DCC: variants seen among roughly 807,000 people sequenced by gnomAD.
The protein encoded by DCC is DCC netrin 1 receptor, also known as netrin receptor DCC.
In DCC, 58 loss-of-function variants were observed where a neutral mutation model predicts 172.5. The ratio of observed to expected loss-of-function variants is 0.34; its 90% CI spans 0.27 to 0.42. The LOEUF is 0.42. DCC is among the 10% of genes least tolerant of loss of function. The probability of loss-of-function intolerance (pLI) is 1.00; values close to 1 mark genes in which losing one functional copy is unlikely to be tolerated. For missense variants in DCC, 1,740 were observed against 1,791.0 expected, an observed-to-expected ratio of 0.97 and a Z score of 0.51; for synonymous variants, 709 against 644.5, an observed-to-expected ratio of 1.10 and a Z score of -1.52.
At chr18:53,319,908 T>G (rs569043448) in intron 13 of DCC, among the ~76,000 whole-genome samples, 1 of 152,280 alleles carries the variant, frequency 6.6e-6, no homozygotes, top group East Asian at 1.9e-4. Context: ...ATACCTCAGT[T>G]AGTGTTGGAT....
intron 19 of DCC, among the ~76,000 whole-genome samples, chr18:53,407,528 G>GATATATATAT (rs74180422): frequency 0.025 from 2,927 of 117,232 alleles, 71 homozygotes; most frequent in South Asian, 0.061. Context: ...TTTTATTCTG[G>GATATATATAT]ATATATATAT....
intron 15 of DCC, among the ~76,000 whole-genome samples, chr18:53,364,077 A>G (rs934587701): frequency 6.6e-6 from 1 of 152,212 alleles, no homozygotes; most frequent in Non-Finnish European, 1.5e-5. Flanking sequence ...ATCAATATGT[A>G]TCAAGTGCCA....
chr18:52,942,056 T>G (rs776456016), intron 5 of DCC, among the ~76,000 whole-genome samples: 2 of 152,220 alleles, frequency 1.3e-5, no homozygotes, highest in Non-Finnish European at 2.9e-5. Context: ...GTGCTGGGAT[T>G]ACAAGTGTGA....
At chr18:52,462,490 C>T (rs1988661782) in intron 1 of DCC, among the ~76,000 whole-genome samples, 1 of 152,080 alleles carries the variant, frequency 6.6e-6, no homozygotes, top group Non-Finnish European at 1.5e-5. Flanking sequence ...TTCTTTTTGC[C>T]CACAATGCTC....
intron 1 of DCC, among the ~76,000 whole-genome samples, chr18:52,452,099 T>A (rs1277925255): frequency 2.6e-5 from 4 of 152,202 alleles, no homozygotes; most frequent in Admixed American, 6.5e-5. Context: ...CTGGCCTGAT[T>A]CTGATAATCC....
At chr18:52,421,402 C>T (rs1987243707) in intron 1 of DCC, among the ~76,000 whole-genome samples, 1 of 152,040 alleles carries the variant, frequency 6.6e-6, no homozygotes, top group Non-Finnish European at 1.5e-5. Context: ...GAGGAGTGGC[C>T]CTTGCAGTGC....
intron 5 of DCC, among the ~76,000 whole-genome samples, chr18:53,027,286 T>C (rs2041968136): frequency 6.6e-6 from 1 of 152,108 alleles, no homozygotes; most frequent in Non-Finnish European, 1.5e-5. Flanking sequence ...TTATGATGAA[T>C]GTGGAAAGGG....
At chr18:53,224,320 G>A (rs950661165) in intron 12 of DCC, among the ~76,000 whole-genome samples, 2 of 152,138 alleles carry the variant, frequency 1.3e-5, no homozygotes, top group Non-Finnish European at 1.5e-5. Context: ...AAGCAGTAAG[G>A]AGGGAACTAT....
At chr18:53,195,661 T>A (rs558336884) in intron 9 of DCC, among the ~76,000 whole-genome samples, 1 of 152,036 alleles carries the variant, frequency 6.6e-6, no homozygotes, top group South Asian at 2.1e-4. Context: ...ATGTCAAGTA[T>A]GTTACCCATT....
intron 1 of DCC, among the ~76,000 whole-genome samples, chr18:52,607,581 C>A (rs1422762264): frequency 2.6e-5 from 4 of 152,102 alleles, no homozygotes; most frequent in Non-Finnish European, 5.9e-5. Flanking sequence ...CCAGAGTCTT[C>A]TTTAGAGGAA....
intron 27 of DCC, among the ~76,000 whole-genome samples, chr18:53,507,063 G>C (rs976909618): frequency 6.7e-6 from 1 of 150,314 alleles, no homozygotes; most frequent in Non-Finnish European, 1.5e-5. Context: ...CAGAAATAAG[G>C]GTAGATATTC....
chr18:53,186,070 A>G (rs1253909733), intron 9 of DCC, among the ~76,000 whole-genome samples: 1 of 152,178 alleles, frequency 6.6e-6, no homozygotes, highest in African/African-American at 2.4e-5. Flanking sequence ...TAATTTCCCT[A>G]AGAAGCTTCT....
At chr18:52,384,623 G>A (rs908377409) in intron 1 of DCC, among the ~76,000 whole-genome samples, 2 of 152,108 alleles carry the variant, frequency 1.3e-5, no homozygotes, top group Non-Finnish European at 2.9e-5. Context: ...CAGGAGAGTT[G>A]ACTGTTCAAA....
chr18:53,186,181 GAAATTGC>G (rs1225456287), intron 9 of DCC, among the ~76,000 whole-genome samples: 1 of 152,154 alleles, frequency 6.6e-6, no homozygotes, highest in Non-Finnish European at 1.5e-5. Context: ...TGCTTCATGA[GAAATTGC>G]ATAGAAAGAA....
chr18:53,298,362 C>T (rs548389208), intron 12 of DCC, among the ~76,000 whole-genome samples: 37 of 151,464 alleles, frequency 2.4e-4, no homozygotes, highest in Non-Finnish European at 4.7e-4. Flanking sequence ...ATGACAAGAC[C>T]CTGTCTCTAC....
chr18:52,831,564 G>A (rs1469837046), intron 2 of DCC, among the ~76,000 whole-genome samples: 1 of 152,050 alleles, frequency 6.6e-6, no homozygotes, highest in African/African-American at 2.4e-5. Flanking sequence ...GAATCAAACA[G>A]AATTTGATGA....
intron 5 of DCC, among the ~76,000 whole-genome samples, chr18:53,025,123 G>C (rs2041938201): frequency 6.6e-6 from 1 of 152,032 alleles, no homozygotes; most frequent in Non-Finnish European, 1.5e-5. Context: ...CTTAAATCTG[G>C]TTAAAAATTT....
At chr18:52,585,774 G>C (rs2033654428) in intron 1 of DCC, among the ~76,000 whole-genome samples, 1 of 152,120 alleles carries the variant, frequency 6.6e-6, no homozygotes, top group African/African-American at 2.4e-5. Context: ...CAGCATTAGG[G>C]TGGTTAAATT....
chr18:52,452,741 G>A (rs1268489346), intron 1 of DCC, among the ~76,000 whole-genome samples: 2 of 152,192 alleles, frequency 1.3e-5, no homozygotes, highest in African/African-American at 2.4e-5. Flanking sequence ...TACACACTTG[G>A]TTAAAGGCAT....
Sources: allele counts gnomAD v4.1 joint callset (sites outside exome capture counted in the v4.1 genomes callset), GRCh38; gene constraint gnomAD v4.1.1; transcripts MANE v1.5; gene names NCBI Gene and HGNC (gene_info 2026-07-23, HGNC 2026-07-21).